The following PPIH variants were observed in gnomAD, a reference collection of about 807,000 sequenced individuals.
The protein encoded by PPIH is peptidyl-prolyl cis-trans isomerase H.
A neutral mutation model predicts 27.6 loss-of-function variants in PPIH; 16 were observed. The observed-to-expected ratio is 0.58, with a 90% confidence interval of 0.39 to 0.88. The LOEUF (loss-of-function observed/expected upper bound fraction) is 0.88, where lower values mean the gene tolerates loss of function less well. Ranked by LOEUF, PPIH falls within the 40% of genes least tolerant of loss-of-function variation. The pLI is 0.00. For synonymous variants in PPIH, 63 were observed against 76.1 expected, an observed-to-expected ratio of 0.83 and a Z score of 0.90; for missense variants, 155 against 224.1, an observed-to-expected ratio of 0.69 and a Z score of 1.97.
chr1:42,665,220 A>G (rs1228320738), intron 6 of PPIH, among the ~76,000 whole-genome samples: 1 of 151,912 alleles, frequency 6.6e-6, no homozygotes, highest in Non-Finnish European at 1.5e-5. Context: ...CCTGGCCAAC[A>G]TGGTGAAACC....
chr1:42,679,074 A>G (rs534219920), downstream of PPIH, among the ~76,000 whole-genome samples: 1 of 152,356 alleles, frequency 6.6e-6, no homozygotes, highest in South Asian at 2.1e-4. Flanking sequence ...TGTGCTCACC[A>G]CGGACAGCTG....
At chr1:42,662,204 C>T (rs1417445578) in intron 5 of PPIH, among the ~76,000 whole-genome samples, 1 of 152,038 alleles carries the variant, frequency 6.6e-6, no homozygotes, top group Non-Finnish European at 1.5e-5. Context: ...CATCTGATCA[C>T]TTGTCGATAA....
intron 9 of PPIH, among the ~76,000 whole-genome samples, chr1:42,674,642 G>A (rs1039178597): frequency 2.6e-5 from 4 of 152,236 alleles, no homozygotes; most frequent in Non-Finnish European, 5.9e-5. Flanking sequence ...TACTGTAGAT[G>A]AATTTTCATG....
rs374848602 is a variant in PPIH, at chr1:42,671,965, ACT to A, written c.*21+4528_*21+4529del. 1.0e-4 allele frequency among the ~76,000 whole-genome samples: 15 copies of A among 150,128 alleles called. No individual in the cohort carries two copies. In the East Asian group the frequency reaches 2.8e-3, roughly 28 times the overall value. Reference sequence around the variant, plus strand: ...GTGGCGCGATCTCGGCTCACTGCAGACTCTGCCTCCCAGGTTCAAGCAATTCT... The same window carrying A: ...GTGGCGCGATCTCGGCTCACTGCAGACTGCCTCCCAGGTTCAAGCAATTCT... On this transcript the variant is annotated intron_variant, in intron 9 of 9. Transcript: ENST00000304979.
At chr1:42,668,067 A>G (rs1649438659) in intron 9 of PPIH, among the ~76,000 whole-genome samples, 1 of 152,264 alleles carries the variant, frequency 6.6e-6, no homozygotes, top group Admixed American at 6.5e-5. Context: ...AAAGTAAGAC[A>G]TTCCCAGAGG....
downstream of PPIH, among the ~76,000 whole-genome samples, chr1:42,680,454 CAAGAG>C (rs1168018491): frequency 1.3e-5 from 2 of 152,166 alleles, no homozygotes; most frequent in Non-Finnish European, 2.9e-5. Context: ...ACAGGGAATA[CAAGAG>C]AAGACTCTAA....
chr1:42,666,592 G>C lies in PPIH; in HGVS notation c.465+5G>C. The C allele has an allele frequency of 6.2e-7, 1 of 1,613,390 alleles. No homozygotes were observed. Among genetic ancestry groups the C allele is most frequent in the South Asian group, 1.1e-5 (1 of 91,070 alleles). The stretch of plus-strand genomic sequence containing the variant: ...CTAGTGATGAGAAAGATTGAGGTAA[G>C]TACTGCTTTGATTTTTCTGTTTCTC... On this transcript the variant is annotated splice_donor_5th_base_variant and intron_variant, in intron 8 of 9. Transcript: ENST00000304979.
At chr1:42,681,207 T>C (rs1205835658), downstream of PPIH, 1 of 152,162 alleles carries the variant, frequency 6.6e-6, no homozygotes, top group African/African-American at 2.4e-5. Context: ...ATATTTCCAA[T>C]TAAATATACC....
intron 3 of PPIH, 113 bp from the exon 4 acceptor site, chr1:42,659,409 C>T (rs1425634112): frequency 6.2e-7 from 1 of 1,614,104 alleles, no homozygotes; most frequent in East Asian, 2.2e-5. Flanking sequence ...TATTTGCCTT[C>T]TTTATGTCTG....
At chr1:42,675,110 T>G (rs886473211) in intron 9 of PPIH, among the ~76,000 whole-genome samples, 7 of 152,242 alleles carry the variant, frequency 4.6e-5, no homozygotes, top group African/African-American at 1.4e-4. Context: ...TGAATGACTT[T>G]CAGGAATCTC....
In PPIH at chr1:42,659,554, G is replaced by C; in HGVS notation, c.188G>C (p.Ser63Thr). Residue 63 changes from serine to threonine, a missense_variant, in exon 4 of 10, where the codon AGC (serine) becomes ACC (threonine). Transcript: ENST00000304979. ...GGGGTTCCAATAGGATACAAAGGAA[G>C]CACCTTCCACAGGTAAGGCTCTTGG... ...KDGVPIGYKG[S>T]TFHRVIKDFM... 6.2e-7 allele frequency: 1 copy of C among 1,613,906 alleles called. No homozygotes were observed. The highest frequency in any genetic ancestry group is 8.5e-7 in the Non-Finnish European group (1 of 1,180,038).
intron 9 of PPIH, among the ~76,000 whole-genome samples, chr1:42,675,818 A>G (rs1230883412): frequency 2.0e-5 from 3 of 152,160 alleles, no homozygotes; most frequent in Non-Finnish European, 4.4e-5. Flanking sequence ...TGCAAGGAAG[A>G]AGGATTGCTT....
At chr1:42,664,655 C>T (rs1649231669) in intron 5 of PPIH, among the ~76,000 whole-genome samples, 1 of 152,142 alleles carries the variant, frequency 6.6e-6, no homozygotes, top group East Asian at 1.9e-4. Context: ...CTATAAAATG[C>T]TCCAGCCAGT....
intron 9 of PPIH, among the ~76,000 whole-genome samples, chr1:42,669,519 C>A (rs1649518754): frequency 6.6e-6 from 1 of 152,170 alleles, no homozygotes; most frequent in Non-Finnish European, 1.5e-5. Flanking sequence ...CTGGTCCCCA[C>A]CTCAAGTGGT....
intron 6 of PPIH, among the ~76,000 whole-genome samples, 195 bp downstream of exon 6, chr1:42,665,150 T>C (rs1649258839): frequency 6.6e-6 from 1 of 152,220 alleles, no homozygotes; most frequent in African/African-American, 2.4e-5. Context: ...ACGCCTGTAA[T>C]CCCAGCACTT....
At chr1:42,679,217 T>G (rs1649966138), downstream of PPIH, among the ~76,000 whole-genome samples, 1 of 152,194 alleles carries the variant, frequency 6.6e-6, no homozygotes, top group Admixed American at 6.6e-5. Flanking sequence ...TGAGACATAG[T>G]TTCAGTCTGT....
In PPIH at chr1:42,658,898, G is replaced by C. The variant is rs769486707; in HGVS notation, c.121G>C (p.Glu41Gln). Residue 41 changes from glutamate (E) to glutamine (Q), a missense_variant, in exon 2 of 10, where the codon GAG (glutamate) becomes CAG (glutamine). Coordinates refer to ENST00000304979, the MANE Select transcript of PPIH (RefSeq NM_006347.4). ...LFADVVPKTA[E>Q]NFRQFCTGEF... is the part of the protein sequence containing the mutation. Reference sequence around the variant, plus strand: ...TGCAGACGTTGTGCCTAAGACGGCCGAGAACTTTAGGTAAGGACGTGCTCC... The same window carrying C: ...TGCAGACGTTGTGCCTAAGACGGCCCAGAACTTTAGGTAAGGACGTGCTCC... 6.2e-7 allele frequency: 1 copy of C among 1,614,192 alleles called. No homozygotes were observed. The highest frequency in any genetic ancestry group is 8.5e-7 in the Non-Finnish European group (1 of 1,180,008).
At chr1:42,665,106 G>C (rs953214628) in intron 6 of PPIH, 151 bp downstream of exon 6, 24 of 682,646 alleles carry the variant, frequency 3.5e-5, no homozygotes, top group Non-Finnish European at 5.5e-5. Flanking sequence ...TCTTAGTCTG[G>C]TTTGACTGAG....
chr1:42,673,638 A>G (rs747285692), intron 9 of PPIH, among the ~76,000 whole-genome samples: 14 of 152,254 alleles, frequency 9.2e-5, no homozygotes, highest in African/African-American at 1.2e-4. Flanking sequence ...GGGTGGGACC[A>G]GGATGTTATG....
Sources: gnomAD v4.1 joint callset for allele counts (sites outside exome capture counted in the v4.1 genomes callset) on GRCh38, gnomAD v4.1.1 for gene constraint, MANE v1.5 for transcripts, NCBI Gene and HGNC (gene_info 2026-07-23, HGNC 2026-07-21) for gene names.